The following RBFOX1 variants were observed in gnomAD, a reference collection of about 807,000 sequenced individuals.
RBFOX1 encodes the protein RNA binding protein fox-1 homolog 1.
Under a neutral mutation model 57.7 loss-of-function variants are expected in RBFOX1, and 8 were observed. The observed-to-expected ratio is 0.14, with a 90% CI of 0.08 to 0.25. The LOEUF (loss-of-function observed/expected upper bound fraction) is 0.25, where lower values mean the gene tolerates loss of function less well. RBFOX1 is among the 10% of genes least tolerant of loss of function. The probability of loss-of-function intolerance (pLI) is 1.00; values close to 1 mark genes in which losing one functional copy is unlikely to be tolerated. For synonymous variants in RBFOX1, 326 were observed against 222.4 expected (o/e 1.47, Z -4.15); for missense variants, 611 against 548.5 (o/e 1.11, Z -1.14).
At chr16:7,540,436 C>T (rs943712329) in intron 5 of RBFOX1, among the ~76,000 whole-genome samples, 1 of 152,202 alleles carries the variant, frequency 6.6e-6, no homozygotes, top group African/African-American at 2.4e-5. Flanking sequence ...AGTAACACAA[C>T]TACTCTGTGT....
Position 5,997,922 on chromosome 16 carries a change from G to C in RBFOX1, c.351+130587G>C, listed in dbSNP as rs571369659. 5.3e-5 allele frequency among the ~76,000 whole-genome samples: 8 copies of C among 152,134 alleles called. No individual in the cohort carries two copies. In the East Asian group the frequency reaches 1.5e-3, roughly 29 times the overall value. On this transcript the variant is annotated intron_variant, in intron 4 of 19. Transcript: ENST00000641259. ...TGTTAGAGTACATAACATGAAATTT[G>C]AGTTCCGACATCTCTTGAACAATAT...
intron 2 of RBFOX1, among the ~76,000 whole-genome samples, chr16:6,635,966 C>T (rs1052739740): frequency 1.3e-5 from 2 of 152,166 alleles, no homozygotes; most frequent in Non-Finnish European, 2.9e-5. Flanking sequence ...AAGTTGAGAA[C>T]CGTCATTGCC....
intron 14 of RBFOX1, among the ~76,000 whole-genome samples, chr16:7,701,018 C>T (rs1017741868): frequency 1.3e-5 from 2 of 152,240 alleles, no homozygotes; most frequent in Middle Eastern, 3.4e-3. Flanking sequence ...TGTGGCTTCT[C>T]ATGTAGGGTC....
intron 1 of RBFOX1, among the ~76,000 whole-genome samples, chr16:5,462,421 G>T (rs934088233): frequency 6.6e-6 from 1 of 152,072 alleles, no homozygotes; most frequent in African/African-American, 2.4e-5. Flanking sequence ...ACCCGCCTCG[G>T]CCTCCCAAAG....
intron 2 of RBFOX1, among the ~76,000 whole-genome samples, chr16:6,342,293 T>G (rs927522657): frequency 6.6e-6 from 1 of 152,058 alleles, no homozygotes; most frequent in African/African-American, 2.4e-5. Context: ...ACCACGAAGA[T>G]GGACATGTGG....
Position 6,387,254 on chromosome 16 carries a change from C to A in RBFOX1, c.-64+70197C>A, listed in dbSNP as rs17140069. 2.5e-3 allele frequency among the ~76,000 whole-genome samples: 381 copies of A among 152,294 alleles called. 4 individuals are homozygous for A. Among genetic ancestry groups the A allele is most frequent in the African/African-American group, 8.5e-3 (353 of 41,554 alleles). ...CACATCACTCACCTCCTGTAAGCAT[C>A]CGTAGCCTTCATTTTCAATGGAGAA... On this transcript the variant is annotated intron_variant, in intron 2 of 15. Coordinates refer to ENST00000550418, the MANE Select transcript of RBFOX1 (RefSeq NM_018723.4).
rs560751751 is a variant in RBFOX1 at position 7,414,614 on chromosome 16, AT to A, written c.28-103529del. Among the ~76,000 whole-genome samples the A allele has an allele frequency of 6.2e-3, 947 of 151,986 alleles. 7 individuals are homozygous for A. The highest frequency in any genetic ancestry group is 0.021 in the African/African-American group (850 of 41,448). On this transcript the variant is annotated intron_variant, in intron 4 of 15. Coordinates refer to ENST00000550418, the MANE Select transcript of RBFOX1 (RefSeq NM_018723.4). ...GTTTTTCAAATATTGTTTTTATTTT[AT>A]TTTATTTATTTATTTATTTTGAGAT...
intron 1 of RBFOX1, among the ~76,000 whole-genome samples, chr16:5,452,114 CTCTT>C (rs1316178899): frequency 1.0e-4 from 14 of 134,678 alleles, no homozygotes; most frequent in South Asian, 6.8e-4. Flanking sequence ...CTCTCTCTCT[CTCTT>C]TTTTTTTTTT....
chr16:5,950,565 A>G (rs143959352), intron 4 of RBFOX1, among the ~76,000 whole-genome samples: 2,189 of 152,274 alleles, frequency 0.014, 23 homozygotes, highest in Non-Finnish European at 0.022. Context: ...AAGTTATTTA[A>G]TGTGTTACAA....
intron 2 of RBFOX1, among the ~76,000 whole-genome samples, chr16:6,317,345 T>C (rs2081234773): frequency 6.6e-6 from 1 of 152,110 alleles, no homozygotes; most frequent in Admixed American, 6.6e-5. Context: ...GTGTTTTTGG[T>C]TTCTTTTTTT....
chr16:6,009,209 C>T (rs528249052), intron 4 of RBFOX1, among the ~76,000 whole-genome samples: 7 of 151,940 alleles, frequency 4.6e-5, no homozygotes, highest in East Asian at 1.9e-4. Flanking sequence ...ACTGCCACTT[C>T]GTGGTCTCTA....
chr16:7,083,978 G>A (rs898481576), intron 4 of RBFOX1, among the ~76,000 whole-genome samples: 20 of 151,902 alleles, frequency 1.3e-4, no homozygotes, highest in East Asian at 3.9e-4. Flanking sequence ...TGTTTGCCCC[G>A]CTCACAGTCT....
At chr16:7,233,174 C>A (rs141458909) in intron 4 of RBFOX1, among the ~76,000 whole-genome samples, 314 of 152,002 alleles carry the variant, frequency 2.1e-3, no homozygotes, top group Non-Finnish European at 2.9e-3. Flanking sequence ...TCATATAAAG[C>A]CCTGGAAGTC....
intron 3 of RBFOX1, among the ~76,000 whole-genome samples, chr16:6,670,850 A>T (rs2098759822): frequency 6.6e-6 from 1 of 151,928 alleles, no homozygotes; most frequent in East Asian, 1.9e-4. Context: ...GCAAAAAAAA[A>T]TTAGCCGGGC....
chr16:7,327,031 A>T (rs1344518515), intron 4 of RBFOX1, among the ~76,000 whole-genome samples: 1 of 152,150 alleles, frequency 6.6e-6, no homozygotes, highest in African/African-American at 2.4e-5. Flanking sequence ...TGTGATCACT[A>T]TTAAAAGAGT....
intron 4 of RBFOX1, among the ~76,000 whole-genome samples, chr16:7,107,805 T>C (rs2063880598): frequency 6.6e-6 from 1 of 152,132 alleles, no homozygotes; most frequent in Admixed American, 6.6e-5. Flanking sequence ...ATATGTCTTT[T>C]TGTGTCTGAA....
chr16:5,726,276 G>A (rs555694302), intron 3 of RBFOX1, among the ~76,000 whole-genome samples: 1 of 151,598 alleles, frequency 6.6e-6, no homozygotes, highest in Non-Finnish European at 1.5e-5. Context: ...CTCCCTTTCT[G>A]GGGATGTATT....
chr16:6,822,945 T>G (rs2091551651), intron 3 of RBFOX1, among the ~76,000 whole-genome samples: 1 of 152,198 alleles, frequency 6.6e-6, no homozygotes, highest in African/African-American at 2.4e-5. Flanking sequence ...CTGATAACCA[T>G]TAGAGTTCAT....
downstream of RBFOX1, among the ~76,000 whole-genome samples, chr16:5,604,166 A>G (rs58926436): frequency 0.12 from 17,967 of 152,240 alleles, 1,290 homozygotes; most frequent in East Asian, 0.31. Flanking sequence ...CATATTTCAA[A>G]ACCCCTGTAT....
Sources: gnomAD v4.1 joint callset for allele counts (sites outside exome capture counted in the v4.1 genomes callset) on GRCh38, gnomAD v4.1.1 for gene constraint, MANE v1.5 for transcripts, NCBI Gene and HGNC (gene_info 2026-07-23, HGNC 2026-07-21) for gene names.